MED16: variants seen among roughly 807,000 people sequenced by gnomAD.
The protein encoded by MED16 is mediator complex subunit 16, also known as mediator of RNA polymerase II transcription subunit 16.
MED16 carries 81 observed loss-of-function variants against 84.4 expected under a neutral mutation model. The observed-to-expected ratio is 0.96, with a 90% confidence interval of 0.80 to 1.15. The LOEUF (loss-of-function observed/expected upper bound fraction) is 1.15, where lower values mean the gene tolerates loss of function less well. MED16 is among the 50% of genes most tolerant of loss of function. MED16 has a pLI of 0.00. For synonymous variants in MED16, 897 were observed against 552.2 expected (o/e 1.62, Z -8.76); for missense variants, 1,585 against 1,245.9 (o/e 1.27, Z -4.10).
intron 4 of MED16, among the ~76,000 whole-genome samples, chr19:887,658 T>G (rs1043549265): frequency 6.6e-6 from 1 of 151,216 alleles, no homozygotes; most frequent in Non-Finnish European, 1.5e-5. Context: ...AGAACAAGAC[T>G]CTGTCTCAAA....
chr19:888,274 C>A (rs1263351286), intron 4 of MED16, among the ~76,000 whole-genome samples: 4 of 151,980 alleles, frequency 2.6e-5, no homozygotes, highest in Non-Finnish European at 5.9e-5. Flanking sequence ...CTAATCCCAG[C>A]ACTTTGGGAG....
intron 13 of MED16, among the ~76,000 whole-genome samples, chr19:869,232 G>C (rs954049394): frequency 6.6e-6 from 1 of 152,192 alleles, no homozygotes; most frequent in African/African-American, 2.4e-5. Context: ...ACAGGGACGA[G>C]GGTCGGTCCG....
intron 2 of MED16, among the ~76,000 whole-genome samples, chr19:890,672 G>C (rs1351899572): frequency 6.6e-6 from 1 of 152,212 alleles, no homozygotes; most frequent in Non-Finnish European, 1.5e-5. Flanking sequence ...ACACCGTCTA[G>C]AAAACTGGGG....
chr19:868,099 C>T lies in MED16; in HGVS notation c.*2G>A, dbSNP rs777124816. On this transcript the variant is annotated 3_prime_UTR_variant, in exon 16 of 16. Coordinates refer to ENST00000325464, the MANE Select transcript of MED16 (RefSeq NM_005481.3). ...CACAAGGTCCGCCTGGACCCCCGGC[C>T]GTCACGGACGGTCCTCTGGATGCAG... The T allele has an allele frequency of 2.4e-5, 39 of 1,600,678 alleles. No homozygotes were observed. The Admixed American group carries it at 4.3e-4, about 18-fold the overall frequency.
At chr19:873,303 AAG>A in intron 11 of MED16, 144 bp downstream of exon 11, 2 of 604,554 alleles carry the variant, frequency 3.3e-6, no homozygotes, top group East Asian at 4.3e-5. Flanking sequence ...GCGGGACTCC[AAG>A]TAGGGGCGGG....
intron 13 of MED16, among the ~76,000 whole-genome samples, chr19:869,940 G>T (rs1172013475): frequency 6.6e-6 from 1 of 152,102 alleles, no homozygotes; most frequent in East Asian, 1.9e-4. Context: ...CCCTTTCCAG[G>T]CTGGGTTTCC....
chr19:878,568 A>G (rs1599330276), intron 8 of MED16, among the ~76,000 whole-genome samples: 7 of 55,458 alleles, frequency 1.3e-4, no homozygotes, highest in African/African-American at 2.3e-4. Flanking sequence ...CCCCAGCCCC[A>G]GCCCCACATG....
chr19:890,027 C>G, intron 3 of MED16, 110 bp downstream of exon 3: 1 of 877,886 alleles, frequency 1.1e-6, no homozygotes, highest in South Asian at 1.7e-5. Context: ...AAGCTGCAGA[C>G]CAGGGGCTCT....
intron 6 of MED16, 63 bp from the exon 7 acceptor site, chr19:881,777 A>G: frequency 6.4e-7 from 1 of 1,563,542 alleles, no homozygotes. Context: ...AGACAGCCGC[A>G]GGAGTCCAGC....
At chr19:892,857 T>G (rs2145265772) in intron 1 of MED16, 1 of 144,128 alleles carries the variant, frequency 6.9e-6, no homozygotes, top group South Asian at 1.9e-4. Flanking sequence ...TCCCCCAGGT[T>G]TCCGCCGCAA....
At chr19:878,599 G>C (rs1489304491) in intron 8 of MED16, among the ~76,000 whole-genome samples, 463 of 9,704 alleles carry the variant, frequency 0.048, no homozygotes, top group African/African-American at 0.057. Flanking sequence ...TCACCTTCCC[G>C]TGGTTGTCAA....
intron 5 of MED16, 106 bp downstream of exon 5, chr19:885,664 A>T: frequency 7.4e-7 from 1 of 1,343,302 alleles, no homozygotes; most frequent in South Asian, 1.4e-5. Context: ...TGCCCACACC[A>T]CGGTTTAGCC....
At chr19:872,166 G>GCGATGGGATGAAGTGTCTTGGGGT in intron 11 of MED16, 48 bp from the exon 12 acceptor site, 1 of 1,525,906 alleles carries the variant, frequency 6.6e-7, no homozygotes, top group Admixed American at 1.9e-5. Context: ...GGGGCAGATG[G>GCGATGGGATGAAGTGTCTTGGGGT]CGATGGGATG....
intron 10 of MED16, 81 bp from the exon 11 acceptor site, chr19:873,663 C>T: frequency 2.0e-6 from 3 of 1,530,014 alleles, no homozygotes; most frequent in Non-Finnish European, 2.7e-6. Context: ...GTCCTTCGAC[C>T]TGCACTGAGT....
Position 867,983 on chromosome 19 carries a change from T to C in MED16, c.*118A>G, listed in dbSNP as rs900724167. 8.1e-6 allele frequency: 11 copies of C among 1,360,068 alleles called. No homozygotes were observed. The Admixed American group carries it at 1.1e-4, about 13-fold the overall frequency. The allele number at this position is 1,360,068 out of a possible 1,614,324, so 84.3% of individuals were successfully genotyped here. A position where few individuals can be genotyped will look rare whatever the true frequency, so the allele number is the denominator to read the frequency against. ...GGGCCTGGGCGCAGAGGGCGTTTAT[T>C]GGACCTGTCCTTCCCAGCCGCTGCT... On this transcript the variant is annotated 3_prime_UTR_variant, in exon 16 of 16. Transcript: ENST00000325464.
intron 13 of MED16, among the ~76,000 whole-genome samples, chr19:870,729 G>A (rs551257489): frequency 1.2e-3 from 180 of 151,592 alleles, no homozygotes; most frequent in South Asian, 2.1e-4. Flanking sequence ...GGAAGGAGCC[G>A]TATGGATTCG....
chr19:891,015 C>T lies in MED16; in HGVS notation c.117G>A (p.Trp39Ter). Residue 39 changes from tryptophan to a stop codon, truncating the protein, a stop_gained, in exon 2 of 16, where the codon TGG becomes TGA. Transcript: ENST00000325464. LOFTEE classifies it high-confidence loss of function. ...TGAAGGCGATGAGATTTCGGCAGGA[C>T]CAGGCGCAGGCCAGGGGCACCGATG... ...HCPSVPLACA[W>*]SCRNLIAFTM... 1.2e-5 allele frequency: 19 copies of T among 1,614,090 alleles called. No individual in the cohort carries two copies. Among genetic ancestry groups the T allele is most frequent in the Non-Finnish European group, 1.6e-5 (19 of 1,180,018 alleles).
At chr19:893,031 G>A (rs879645730) in intron 1 of MED16, 55 bp downstream of exon 1, 6 of 152,686 alleles carry the variant, frequency 3.9e-5, no homozygotes, top group Non-Finnish European at 5.9e-5. Flanking sequence ...TCGGGTCCGT[G>A]GACACGGTCA....
chr19:876,631 C>G (rs953015094), intron 9 of MED16, among the ~76,000 whole-genome samples: 1 of 152,040 alleles, frequency 6.6e-6, no homozygotes, highest in African/African-American at 2.4e-5. Flanking sequence ...ACCCCACACG[C>G]AGCCTCACCT....
Sources: gnomAD v4.1 joint callset for allele counts (sites outside exome capture counted in the v4.1 genomes callset) on GRCh38, gnomAD v4.1.1 for gene constraint, MANE v1.5 for transcripts, NCBI Gene and HGNC (gene_info 2026-07-23, HGNC 2026-07-21) for gene names.